The following GGACT variants were observed in gnomAD, a reference collection of about 807,000 sequenced individuals.
GGACT encodes gamma-glutamylaminecyclotransferase.
For synonymous variants in GGACT, 118 were observed against 115.3 expected (o/e 1.02, Z -0.15); for missense variants, 241 against 233.2 (o/e 1.03, Z -0.22).
intron 2 of GGACT, among the ~76,000 whole-genome samples, chr13:100,547,365 T>C (rs533757137): frequency 8.5e-5 from 13 of 152,344 alleles, no homozygotes; most frequent in African/African-American, 2.2e-4. Flanking sequence ...ATGCTCCTTA[T>C]ACTGATTGGG....
At chr13:100,543,496 C>G (rs917804742) in intron 2 of GGACT, among the ~76,000 whole-genome samples, 1 of 152,064 alleles carries the variant, frequency 6.6e-6, no homozygotes, top group Non-Finnish European at 1.5e-5. Flanking sequence ...TGAGCCAGCA[C>G]GCCTGGCCAA....
At chr13:100,572,275 G>A (rs979189536) in intron 2 of GGACT, among the ~76,000 whole-genome samples, 3 of 152,156 alleles carry the variant, frequency 2.0e-5, no homozygotes, top group African/African-American at 2.4e-5. Context: ...AACACTATGC[G>A]AAGCAAAATA....
At chr13:100,551,445 G>T (rs911728405) in intron 2 of GGACT, among the ~76,000 whole-genome samples, 1 of 152,206 alleles carries the variant, frequency 6.6e-6, no homozygotes, top group Admixed American at 6.5e-5. Context: ...CTTCCCACCT[G>T]CCAGAACTGG....
chr13:100,546,377 A>AG (rs1451972742), intron 2 of GGACT, among the ~76,000 whole-genome samples: 2 of 151,862 alleles, frequency 1.3e-5, no homozygotes, highest in African/African-American at 4.8e-5. Flanking sequence ...AAAAAAAAAA[A>AG]AAAAAAAGAA....
At chr13:100,570,765 G>T (rs1875057380) in intron 2 of GGACT, among the ~76,000 whole-genome samples, 1 of 151,996 alleles carries the variant, frequency 6.6e-6, no homozygotes, top group Admixed American at 6.6e-5. Context: ...CCAGTCTCAG[G>T]TATGTCTTTA....
chr13:100,556,690 C>A (rs972725099), intron 2 of GGACT, among the ~76,000 whole-genome samples: 9 of 151,934 alleles, frequency 5.9e-5, no homozygotes, highest in African/African-American at 2.2e-4. Context: ...AGGATAAATG[C>A]TTGAGGGCAT....
intron 2 of GGACT, among the ~76,000 whole-genome samples, chr13:100,574,578 AAAAG>A (rs1299641499): frequency 3.3e-5 from 5 of 152,148 alleles, no homozygotes; most frequent in African/African-American, 1.2e-4. Context: ...CCCATCTCAA[AAAAG>A]AAAGAAAACC....
rs549901417 is a variant in GGACT at position 100,547,751 on chromosome 13, C to T, written c.-10-15150G>A. Among the ~76,000 whole-genome samples the T allele has an allele frequency of 1.2e-3, 186 of 152,362 alleles. 1 individual carries two copies. Among genetic ancestry groups the T allele is most frequent in the African/African-American group, 4.2e-3 (174 of 41,584 alleles). ...ACAAGAACGAGACATCTCTTGGCAG[C>T]AGGGTCAAGGTCGAGCAGGCCCAGA... On this transcript the variant is annotated intron_variant, in intron 2 of 2. Coordinates refer to ENST00000683975, the MANE Select transcript of GGACT (RefSeq NM_001195087.2).
intron 2 of GGACT, among the ~76,000 whole-genome samples, chr13:100,559,866 T>TA (rs1179651942): frequency 5.3e-5 from 8 of 152,280 alleles, no homozygotes; most frequent in African/African-American, 1.9e-4. Context: ...CAGTTATGTA[T>TA]ACCAGTTTAA....
chr13:100,586,136 A>G (rs1356095826), intron 1 of GGACT, among the ~76,000 whole-genome samples: 3 of 152,190 alleles, frequency 2.0e-5, no homozygotes, highest in East Asian at 1.9e-4. Flanking sequence ...ATTATTGTCA[A>G]TTTCATCAGG....
chr13:100,588,379 C>A (rs1278142367), intron 1 of GGACT, among the ~76,000 whole-genome samples: 2 of 152,228 alleles, frequency 1.3e-5, no homozygotes, highest in East Asian at 3.9e-4. Context: ...CCCGGTTCAG[C>A]TGAGGTCCTC....
chr13:100,551,892 G>T (rs1019205046), intron 2 of GGACT, among the ~76,000 whole-genome samples: 10 of 152,188 alleles, frequency 6.6e-5, no homozygotes, highest in Non-Finnish European at 1.5e-4. Context: ...CTCAGAGGGG[G>T]CAAGACCAGT....
In GGACT at chr13:100,561,974, C is replaced by T. The variant is rs766247637; in HGVS notation, c.-11+21851G>A. 3.9e-5 allele frequency among the ~76,000 whole-genome samples: 6 copies of T among 152,304 alleles called. 1 individual carries two copies. The highest frequency in any genetic ancestry group is 2.1e-4 in the South Asian group (1 of 4,824). ...TCATTAACTCTGCTCAAAGGTCATGCGGCAGAGTCTGCATGCCCCGGAGGA... is the reference window on the plus strand; with the variant it reads ...TCATTAACTCTGCTCAAAGGTCATGTGGCAGAGTCTGCATGCCCCGGAGGA... On this transcript the variant is annotated intron_variant, in intron 2 of 2. Transcript: ENST00000683975.
chr13:100,570,013 A>G (rs746509295), intron 2 of GGACT, among the ~76,000 whole-genome samples: 12 of 152,208 alleles, frequency 7.9e-5, no homozygotes, highest in Non-Finnish European at 1.8e-4. Context: ...AAAGTCATTC[A>G]ACAAGTCTCT....
rs187347471 is a variant in GGACT at position 100,582,467 on chromosome 13, A to G, written c.-11+1358T>C. Among the ~76,000 whole-genome samples, 6 of 152,326 alleles carry G rather than the reference A, an allele frequency of 3.9e-5. No individual in the cohort carries two copies. The East Asian group carries it at 1.2e-3, about 29-fold the overall frequency. ...TATGTTAACTCCTATGCCAAAAGGG[A>G]CTTCACAGATGTGAGGACCTTGAGG... On this transcript the variant is annotated intron_variant, in intron 2 of 2. Transcript: ENST00000683975.
chr13:100,557,103 C>G (rs1348829448), intron 2 of GGACT, among the ~76,000 whole-genome samples: 2 of 152,208 alleles, frequency 1.3e-5, no homozygotes, highest in African/African-American at 2.4e-5. Flanking sequence ...GTTGGCCAGA[C>G]TGGTCTCAAA....
At chr13:100,570,213 G>C (rs1354378502) in intron 2 of GGACT, among the ~76,000 whole-genome samples, 1 of 152,008 alleles carries the variant, frequency 6.6e-6, no homozygotes, top group Non-Finnish European at 1.5e-5. Flanking sequence ...CACTCTCTGT[G>C]GTACAAATTT....
intron 2 of GGACT, among the ~76,000 whole-genome samples, chr13:100,553,475 T>C (rs1333005539): frequency 6.6e-6 from 1 of 152,130 alleles, no homozygotes; most frequent in African/African-American, 2.4e-5. Flanking sequence ...AGCAACACGA[T>C]GGCATTCACC....
intron 2 of GGACT, among the ~76,000 whole-genome samples, chr13:100,549,672 C>A (rs1004856287): frequency 2.6e-5 from 4 of 152,296 alleles, no homozygotes; most frequent in African/African-American, 9.6e-5. Flanking sequence ...CATCACCTTT[C>A]GCTAAGAATA....
Sources: allele counts gnomAD v4.1 joint callset (sites outside exome capture counted in the v4.1 genomes callset), GRCh38; gene constraint gnomAD v4.1.1; transcripts MANE v1.5; gene names NCBI Gene and HGNC (gene_info 2026-07-23, HGNC 2026-07-21).